CLSTN2: variants seen among roughly 807,000 people sequenced by gnomAD.
CLSTN2 encodes the protein calsyntenin-2.
In CLSTN2, 48 loss-of-function variants were observed where a neutral mutation model predicts 101.2. The observed-to-expected ratio is 0.47, with a 90% confidence interval of 0.38 to 0.60. The LOEUF (loss-of-function observed/expected upper bound fraction) is 0.60. Among genes scored for constraint, CLSTN2 ranks in the 20% least tolerant of loss-of-function variants. The probability of loss-of-function intolerance (pLI) is 0.00; values close to 1 mark genes in which losing one functional copy is unlikely to be tolerated. For synonymous variants in CLSTN2, 481 were observed against 463.6 expected, an observed-to-expected ratio of 1.04 and a Z score of -0.48; for missense variants, 1,160 against 1,238.2, an observed-to-expected ratio of 0.94 and a Z score of 0.95.
intron 1 of CLSTN2, among the ~76,000 whole-genome samples, chr3:139,984,384 G>T: frequency 6.6e-6 from 1 of 152,160 alleles, no homozygotes; most frequent in Non-Finnish European, 1.5e-5. Flanking sequence ...CACTCTCTCT[G>T]CTCTTATTCT....
intron 4 of CLSTN2, among the ~76,000 whole-genome samples, chr3:140,419,730 CAT>C (rs2088477010): frequency 1.6e-5 from 1 of 61,398 alleles, no homozygotes; most frequent in Non-Finnish European, 2.6e-5. Flanking sequence ...TACGTATATA[CAT>C]GTATATACGT....
intron 2 of CLSTN2, among the ~76,000 whole-genome samples, chr3:140,277,130 T>A (rs928465723): frequency 7.2e-5 from 11 of 152,326 alleles, no homozygotes; most frequent in Admixed American, 6.5e-4. Flanking sequence ...CCTGGACAAC[T>A]GTGGCCTGAA....
In CLSTN2 at chr3:140,570,181, C is replaced by G. The variant is rs1207790459; in HGVS notation, c.*3928C>G. On this transcript the variant is annotated 3_prime_UTR_variant, in exon 17 of 17. Coordinates refer to ENST00000458420, the MANE Select transcript of CLSTN2 (RefSeq NM_022131.3). Reference sequence around the variant, plus strand: ...AGAGGCAAATAGTAAATATTTTGGGCTTTGTGAGCCATTTGGTACCTGTCA... The same window carrying G: ...AGAGGCAAATAGTAAATATTTTGGGGTTTGTGAGCCATTTGGTACCTGTCA... 1.3e-5 allele frequency: 2 copies of G among 152,178 alleles called. No homozygotes were observed. The highest frequency in any genetic ancestry group is 1.9e-4 in the East Asian group (1 of 5,196). 9.4% of individuals were successfully genotyped at this position (152,178 alleles called of 1,614,324 possible).
rs867224190 is a variant in CLSTN2, at chr3:140,158,173, C to T, written c.110-17778C>T. On this transcript the variant is annotated intron_variant, in intron 1 of 16. Transcript: ENST00000458420. ...GCTAAGGATGCCCACACTTACCACT[C>T]GTATTCAACATAGTACTGGAAGTCC... 3.3e-5 allele frequency among the ~76,000 whole-genome samples: 5 copies of T among 152,230 alleles called. No homozygotes were observed. In the South Asian group the frequency reaches 6.2e-4, roughly 19 times the overall value.
chr3:140,405,122 C>G (rs143727885), intron 4 of CLSTN2, among the ~76,000 whole-genome samples: 5 of 152,096 alleles, frequency 3.3e-5, no homozygotes, highest in Admixed American at 6.5e-5. Flanking sequence ...TATCTGGGTC[C>G]GTTTCCTATG....
chr3:140,503,188 C>T (rs1162483880), intron 8 of CLSTN2, among the ~76,000 whole-genome samples: 2 of 152,162 alleles, frequency 1.3e-5, no homozygotes, highest in Admixed American at 6.5e-5. Context: ...AGGATACTCT[C>T]CCCATCTCAA....
chr3:140,119,086 C>T (rs2009295616), intron 1 of CLSTN2, among the ~76,000 whole-genome samples: 1 of 152,292 alleles, frequency 6.6e-6, no homozygotes, highest in Admixed American at 6.5e-5. Context: ...CCAGGAGGGG[C>T]AAAATGCCTG....
intron 1 of CLSTN2, among the ~76,000 whole-genome samples, chr3:139,972,580 C>T (rs186951967): frequency 6.6e-6 from 1 of 152,286 alleles, no homozygotes; most frequent in Non-Finnish European, 1.5e-5. Context: ...ACTGCAACCC[C>T]AGTTATTCAA....
At chr3:140,137,065 A>G (rs750293756) in intron 1 of CLSTN2, among the ~76,000 whole-genome samples, 5 of 152,228 alleles carry the variant, frequency 3.3e-5, no homozygotes, top group Non-Finnish European at 7.3e-5. Flanking sequence ...TTTATTAACT[A>G]CTAACCATGT....
At chr3:140,505,209 T>C (rs1315533873) in intron 8 of CLSTN2, among the ~76,000 whole-genome samples, 2 of 152,054 alleles carry the variant, frequency 1.3e-5, no homozygotes, top group African/African-American at 2.4e-5. Flanking sequence ...GTGGCTGGAA[T>C]GGGTTTGTCT....
chr3:140,377,042 A>AGAGAGAGAGGATG (rs143529942), intron 2 of CLSTN2, among the ~76,000 whole-genome samples: 15 of 149,800 alleles, frequency 1.0e-4, no homozygotes, highest in Non-Finnish European at 1.8e-4. Context: ...GAGAGAGAGG[A>AGAGAGAGAGGATG]TGTGTGTGTG....
intron 1 of CLSTN2, among the ~76,000 whole-genome samples, chr3:140,091,420 C>G (rs12631570): frequency 6.6e-6 from 1 of 152,152 alleles, no homozygotes; most frequent in East Asian, 1.9e-4. Flanking sequence ...GGGAGCCGTG[C>G]CAGTGAGTAG....
intron 5 of CLSTN2, among the ~76,000 whole-genome samples, chr3:140,421,873 C>G (rs1299615914): frequency 1.3e-5 from 2 of 152,278 alleles, no homozygotes; most frequent in East Asian, 1.9e-4. Flanking sequence ...CAGTTTATCA[C>G]TGAACTGAGG....
At chr3:140,452,494 G>C (rs998377719) in intron 6 of CLSTN2, 1 of 152,290 alleles carries the variant, frequency 6.6e-6, no homozygotes, top group Non-Finnish European at 1.5e-5. Context: ...TGATGCTGTA[G>C]TCGTGCAGTA....
intron 1 of CLSTN2, among the ~76,000 whole-genome samples, chr3:140,171,737 AT>A (rs564712040): frequency 0.015 from 1,623 of 110,818 alleles, 79 homozygotes; most frequent in African/African-American, 0.055. Flanking sequence ...TATATAATAT[AT>A]TAATATATAA....
chr3:139,959,260 T>C (rs112740955), intron 1 of CLSTN2, among the ~76,000 whole-genome samples: 3,520 of 152,248 alleles, frequency 0.023, 119 homozygotes, highest in African/African-American at 0.08. Flanking sequence ...TCCCTCCAGC[T>C]GTGGGGTGGT....
chr3:140,522,584 G>A (rs58256114), intron 8 of CLSTN2, among the ~76,000 whole-genome samples: 1 of 152,046 alleles, frequency 6.6e-6, no homozygotes, highest in African/African-American at 2.4e-5. Flanking sequence ...AGAATGCAAG[G>A]CACTAAAATA....
At chr3:140,290,877 T>G (rs2086940326) in intron 2 of CLSTN2, among the ~76,000 whole-genome samples, 1 of 152,194 alleles carries the variant, frequency 6.6e-6, no homozygotes, top group Admixed American at 6.6e-5. Flanking sequence ...TCCTCATGCC[T>G]TTCAGGGCTA....
chr3:140,458,472 G>A (rs559218606), intron 6 of CLSTN2, among the ~76,000 whole-genome samples: 1 of 152,244 alleles, frequency 6.6e-6, no homozygotes, highest in South Asian at 2.1e-4. Context: ...ACAGAAGGAT[G>A]GAAAGAATTC....
Sources: allele counts gnomAD v4.1 joint callset (sites outside exome capture counted in the v4.1 genomes callset), GRCh38; gene constraint gnomAD v4.1.1; transcripts MANE v1.5; gene names NCBI Gene and HGNC (gene_info 2026-07-23, HGNC 2026-07-21).